The following PSMA8 variants were observed in gnomAD, a reference collection of about 807,000 sequenced individuals.
PSMA8 encodes the protein proteasome subunit alpha-type 8.
PSMA8 carries 18 observed loss-of-function variants against 32.4 expected under a neutral mutation model. The observed-to-expected ratio is 0.56, with a 90% CI of 0.38 to 0.82. The LOEUF is 0.82. PSMA8 is among the 40% of genes least tolerant of loss of function. The probability of loss-of-function intolerance (pLI) is 0.00; values close to 1 mark genes in which losing one functional copy is unlikely to be tolerated. For missense variants in PSMA8, 298 were observed against 300.7 expected (o/e 0.99, Z 0.07); for synonymous variants, 104 against 98.1 (o/e 1.06, Z -0.36).
chr18:26,186,274 A>C (rs903674827), intron 6 of PSMA8, among the ~76,000 whole-genome samples: 20 of 147,608 alleles, frequency 1.4e-4, no homozygotes, highest in Non-Finnish European at 2.2e-4. Flanking sequence ...AAAAAAAAAA[A>C]AAACGCAAAG....
chr18:26,150,817 G>T (rs1344888217), intron 2 of PSMA8, among the ~76,000 whole-genome samples: 1 of 151,938 alleles, frequency 6.6e-6, no homozygotes, highest in Non-Finnish European at 1.5e-5. Context: ...ATTGTAAAGG[G>T]GAAATACATA....
In PSMA8 at chr18:26,178,944, C is replaced by T. The variant is rs148724967; in HGVS notation, c.592C>T (p.Leu198=). 7 of 1,612,548 alleles carry T rather than the reference C, an allele frequency of 4.3e-6. No individual in the cohort carries two copies. In the African/African-American group the frequency reaches 8.0e-5, roughly 18 times the overall value. Residue 198 remains leucine, a synonymous_variant, in exon 5 of 7, where the codon CTA becomes TTA. Coordinates refer to ENST00000415576, the MANE Select transcript of PSMA8 (RefSeq NM_001025096.2). Reference sequence around the variant, plus strand: ...TATCAAGTTAGCAATAAAAGCTTTGCTAGAAGTAAGTGATCTAATAAAGCA... The same window carrying T: ...TATCAAGTTAGCAATAAAAGCTTTGTTAGAAGTAAGTGATCTAATAAAGCA... The part of the protein sequence containing the change: ...EAIKLAIKAL[L]EVVQSGGKNI...
chr18:26,157,017 T>G (rs758334133), intron 3 of PSMA8, among the ~76,000 whole-genome samples: 1 of 151,094 alleles, frequency 6.6e-6, no homozygotes, highest in Non-Finnish European at 1.5e-5. Context: ...ACTGCTGGGC[T>G]CAAGCGATCT....
At chr18:26,154,228 A>G (rs1298261654) in intron 3 of PSMA8, among the ~76,000 whole-genome samples, 1 of 152,126 alleles carries the variant, frequency 6.6e-6, no homozygotes, top group African/African-American at 2.4e-5. Flanking sequence ...TTTTATAGAG[A>G]TTTTTAATAA....
chr18:26,134,949 C>T (rs1006490971), intron 1 of PSMA8, among the ~76,000 whole-genome samples: 3 of 148,798 alleles, frequency 2.0e-5, no homozygotes, highest in South Asian at 2.1e-4. Context: ...AGCGAAACTC[C>T]GTCTCGGGAA....
chr18:26,145,094 A>C (rs185809871), intron 2 of PSMA8, among the ~76,000 whole-genome samples: 3 of 152,190 alleles, frequency 2.0e-5, no homozygotes, highest in Admixed American at 2.0e-4. Context: ...ATGTTCATGT[A>C]CATGTATGTA....
intron 6 of PSMA8, among the ~76,000 whole-genome samples, chr18:26,190,921 C>T (rs1030243691): frequency 2.0e-5 from 3 of 152,144 alleles, no homozygotes; most frequent in Admixed American, 1.3e-4. Flanking sequence ...TATTCTTCCA[C>T]TTTCAGAGCC....
chr18:26,178,796 A>C (rs552483559), intron 4 of PSMA8, 34 bp from the exon 5 acceptor site: 573 of 1,591,980 alleles, frequency 3.6e-4, no homozygotes, highest in Non-Finnish European at 4.7e-4. Flanking sequence ...TTCCTACTGC[A>C]ATGATATTAA....
At position 26,140,000 on chromosome 18, in the gene PSMA8, C is replaced by T. The variant is rs138226455; in HGVS notation, c.103-4559C>T. ...AGATTGTTACTTTTTAATTCTTTGT[C>T]AAGAAATTCATAGATCTCCATACTT... On this transcript the variant is annotated intron_variant, in intron 1 of 6. Transcript: ENST00000415576. 1.0e-5 allele frequency: 7 copies of T among 699,372 alleles called. No homozygotes were observed. In the East Asian group the frequency reaches 1.9e-4, roughly 19 times the overall value. The allele number at this position is 699,372 out of a possible 1,614,324, so 43.3% of individuals were successfully genotyped here. A position where few individuals can be genotyped will look rare whatever the true frequency, so the allele number is the denominator to read the frequency against.
chr18:26,153,549 T>C (rs1400573009), intron 3 of PSMA8, among the ~76,000 whole-genome samples: 1 of 152,228 alleles, frequency 6.6e-6, no homozygotes, highest in South Asian at 2.1e-4. Flanking sequence ...CTATAATAGT[T>C]GTTTTAATTT....
intron 6 of PSMA8, 121 bp downstream of exon 6, chr18:26,179,251 TC>T (rs1313272877): frequency 1.6e-6 from 1 of 622,640 alleles, no homozygotes; most frequent in Non-Finnish European, 2.7e-6. Context: ...TCAAATAACC[TC>T]CACTCATTTC....
intron 4 of PSMA8, among the ~76,000 whole-genome samples, chr18:26,176,447 A>G (rs2055264296): frequency 6.6e-6 from 1 of 152,244 alleles, no homozygotes; most frequent in African/African-American, 2.4e-5. Flanking sequence ...CAAGGCCACA[A>G]AATTTAATTT....
intron 1 of PSMA8, among the ~76,000 whole-genome samples, chr18:26,138,494 C>T (rs1460033148): frequency 6.6e-6 from 1 of 152,192 alleles, no homozygotes; most frequent in Non-Finnish European, 1.5e-5. Flanking sequence ...ATCCTTTTGT[C>T]TCATGTCTAG....
At chr18:26,139,779 A>T (rs1168239971) in intron 1 of PSMA8, among the ~76,000 whole-genome samples, 2 of 152,172 alleles carry the variant, frequency 1.3e-5, no homozygotes, top group Non-Finnish European at 2.9e-5. Context: ...TTGTGGGCTG[A>T]GGGATGATGA....
chr18:26,192,275 T>C (rs2055409870), intron 6 of PSMA8, 44 bp from the exon 7 acceptor site: 4 of 1,352,382 alleles, frequency 3.0e-6, no homozygotes, highest in Non-Finnish European at 3.9e-6. Context: ...TACATATTAT[T>C]CGTATAACTG....
rs1294208078 is a variant in PSMA8, at chr18:26,134,128, T to C, written c.102+61T>C. 3.2e-6 allele frequency: 4 copies of C among 1,240,204 alleles called. No individual in the cohort carries two copies. The African/African-American group carries it at 5.9e-5, about 18-fold the overall frequency. The allele number at this position is 1,240,204 out of a possible 1,614,324, so 76.8% of individuals were successfully genotyped here. ...CTGACCTGTCAGGCCATCGTTACCCTGCTGCCCCAGCCCACCTTTCCATCC... is the reference window on the plus strand; with the variant it reads ...CTGACCTGTCAGGCCATCGTTACCCCGCTGCCCCAGCCCACCTTTCCATCC... On this transcript the variant is annotated intron_variant, in intron 1 of 6. Transcript: ENST00000415576.
intron 4 of PSMA8, among the ~76,000 whole-genome samples, chr18:26,176,104 A>G (rs1031594225): frequency 6.6e-6 from 1 of 152,126 alleles, no homozygotes; most frequent in Non-Finnish European, 1.5e-5. Flanking sequence ...GTCATTATTG[A>G]AGTGGACTGG....
At chr18:26,169,790 A>C (rs2055207166) in intron 4 of PSMA8, among the ~76,000 whole-genome samples, 1 of 126,108 alleles carries the variant, frequency 7.9e-6, no homozygotes, top group Admixed American at 7.6e-5. Context: ...AGGTTGCAGT[A>C]AGCCGAGGTC....
chr18:26,185,414 C>T (rs1285358070), intron 6 of PSMA8, among the ~76,000 whole-genome samples: 2 of 150,696 alleles, frequency 1.3e-5, no homozygotes, highest in African/African-American at 4.9e-5. Context: ...ATATTGGCTT[C>T]ATCCTAAAGT....
Sources: allele counts gnomAD v4.1 joint callset (sites outside exome capture counted in the v4.1 genomes callset), GRCh38; gene constraint gnomAD v4.1.1; transcripts MANE v1.5; gene names NCBI Gene and HGNC (gene_info 2026-07-23, HGNC 2026-07-21).